BIRC6: variants seen among roughly 807,000 people sequenced by gnomAD.
BIRC6 encodes dual E2 ubiquitin-conjugating enzyme/E3 ubiquitin-protein ligase BIRC6.
BIRC6 carries 98 observed loss-of-function variants against 503.3 expected under a neutral mutation model. The observed-to-expected ratio is 0.19, with a 90% CI of 0.17 to 0.23. BIRC6 has a LOEUF of 0.23. Ranked by LOEUF, BIRC6 falls within the 10% of genes least tolerant of loss-of-function variation. BIRC6 has a pLI of 1.00. For synonymous variants in BIRC6, 2,240 were observed against 2,078.7 expected (o/e 1.08, Z -2.11); for missense variants, 5,360 against 5,806.0 (o/e 0.92, Z 2.50).
At chr2:32,452,760 A>G (rs1025442138) in intron 22 of BIRC6, among the ~76,000 whole-genome samples, 1 of 152,126 alleles carries the variant, frequency 6.6e-6, no homozygotes, top group Non-Finnish European at 1.5e-5. Flanking sequence ...CAGCTTAAAA[A>G]AAAGTTGCGT....
At chr2:32,567,391 A>G (rs1019808294) in intron 65 of BIRC6, among the ~76,000 whole-genome samples, 4 of 152,236 alleles carry the variant, frequency 2.6e-5, no homozygotes, top group Admixed American at 1.3e-4. Flanking sequence ...TGAAGATGCT[A>G]CTTTCCAAAA....
intron 8 of BIRC6, among the ~76,000 whole-genome samples, chr2:32,405,897 C>T (rs1308229407): frequency 1.3e-5 from 2 of 152,176 alleles, no homozygotes; most frequent in African/African-American, 4.8e-5. Context: ...TGTCCTTAGT[C>T]ACACAGTAGT....
At chr2:32,517,182 A>G (rs1042003533) in intron 55 of BIRC6, among the ~76,000 whole-genome samples, 1 of 152,018 alleles carries the variant, frequency 6.6e-6, no homozygotes, top group Admixed American at 6.6e-5. Flanking sequence ...AAAAGAAATC[A>G]TAACCAAAAT....
chr2:32,464,357 C>A (rs1455952598), intron 24 of BIRC6, among the ~76,000 whole-genome samples, 152 bp from the exon 25 acceptor site: 1 of 152,156 alleles, frequency 6.6e-6, no homozygotes, highest in Non-Finnish European at 1.5e-5. Flanking sequence ...AGCAATGATC[C>A]ATTTATATCG....
rs559286534 is a variant in BIRC6, at chr2:32,569,941, G to C, written c.13145-5215G>C. ...TTTTTTCCCTTGCCTGATTACTCTGGCAAGATGTCCAGTACGATGTTGAAT... is the reference window on the plus strand; with the variant it reads ...TTTTTTCCCTTGCCTGATTACTCTGCCAAGATGTCCAGTACGATGTTGAAT... On this transcript the variant is annotated intron_variant, in intron 65 of 73. Transcript: ENST00000421745. Among the ~76,000 whole-genome samples the C allele has an allele frequency of 1.8e-4, 27 of 151,940 alleles. 1 individual carries two copies. In the South Asian group the frequency reaches 5.6e-3, roughly 32 times the overall value.
At position 32,481,372 on chromosome 2, in the gene BIRC6, A is replaced by T. The variant is rs2050382136; in HGVS notation, c.7461A>T (p.Leu2487Phe). 1 of 1,611,412 alleles carries T rather than the reference A, an allele frequency of 6.2e-7. No individual in the cohort carries two copies. Among genetic ancestry groups the T allele is most frequent in the Non-Finnish European group, 8.5e-7 (1 of 1,178,396 alleles). The change falls in exon 38 of 74, where the codon TTA (leucine) becomes TTT (phenylalanine). Residue 2487 changes from leucine (L) to phenylalanine (F), a missense_variant. Physicochemically the swap from Leu to Phe is conservative, Grantham distance 22. This residue lies in a region of BIRC6 where 2,299 missense variants were observed against 2,267.2 expected (regional missense o/e 1.01). Transcript: ENST00000421745. ...LEKDKEIDLELLQDLMEVDID... is the reference protein window; with the variant it reads ...LEKDKEIDLEFLQDLMEVDID... ...AAGATAAAGAAATTGACCTTGAGTT[A>T]CTTCAGGATCTAATGGAAGTTGACA...
At chr2:32,418,531 T>C (rs573421835) in intron 10 of BIRC6, among the ~76,000 whole-genome samples, 7 of 152,382 alleles carry the variant, frequency 4.6e-5, no homozygotes, top group African/African-American at 1.7e-4. Flanking sequence ...CACTGAATTC[T>C]TTGCATTCTT....
chr2:32,434,700 A>T (rs1249199289), intron 13 of BIRC6, among the ~76,000 whole-genome samples: 1 of 152,054 alleles, frequency 6.6e-6, no homozygotes, highest in African/African-American at 2.4e-5. Flanking sequence ...TTTTAAAAAA[A>T]TTAGCTGGGT....
chr2:32,428,833 C>G (rs993095674), intron 10 of BIRC6, among the ~76,000 whole-genome samples: 2 of 152,112 alleles, frequency 1.3e-5, no homozygotes, highest in African/African-American at 2.4e-5. Flanking sequence ...AGTAATAGTT[C>G]TACCACAAGG....
chr2:32,432,901 G>A (rs1380915723), intron 12 of BIRC6, among the ~76,000 whole-genome samples: 2 of 152,016 alleles, frequency 1.3e-5, no homozygotes, highest in East Asian at 3.9e-4. Flanking sequence ...TGGTGGGGAG[G>A]GCAGTGATAG....
Position 32,540,762 on chromosome 2 carries a change from T to G in BIRC6, c.12292-2479T>G, listed in dbSNP as rs570073051. On this transcript the variant is annotated intron_variant, in intron 61 of 73. Coordinates refer to ENST00000421745, the MANE Select transcript of BIRC6 (RefSeq NM_016252.4). Reference sequence around the variant, plus strand: ...GATGCCTAAGCCTGTGGTGGTCTCATTTGTATAGCTCTAGCATACTTGCTG... The same window carrying G: ...GATGCCTAAGCCTGTGGTGGTCTCAGTTGTATAGCTCTAGCATACTTGCTG... Among the ~76,000 whole-genome samples the G allele has an allele frequency of 7.1e-4, 108 of 152,188 alleles. 3 individuals are homozygous for G. The highest frequency in any genetic ancestry group is 1.9e-4 in the Non-Finnish European group (13 of 67,900).
At chr2:32,421,096 C>G (rs1309853681) in intron 10 of BIRC6, among the ~76,000 whole-genome samples, 2 of 146,586 alleles carry the variant, frequency 1.4e-5, no homozygotes, top group Non-Finnish European at 1.5e-5. Flanking sequence ...TAGTTTCTTT[C>G]TTTCTTTCTT....
intron 49 of BIRC6, among the ~76,000 whole-genome samples, chr2:32,503,987 G>A (rs926965207): frequency 2.9e-5 from 4 of 136,136 alleles, no homozygotes; most frequent in Admixed American, 8.3e-5. Context: ...GAGTAGCTGG[G>A]ATTGCAGGCG....
rs185636825 is a variant in BIRC6 at position 32,561,057 on chromosome 2, G to T, written c.13144+11576G>T. On this transcript the variant is annotated intron_variant, in intron 65 of 73. Transcript: ENST00000421745. The stretch of plus-strand genomic sequence containing the variant: ...TACTAAAAATACAAAAATTAGCCGG[G>T]CGTGGTGGCACGTGCCTGTAGTCCC... Among the ~76,000 whole-genome samples the T allele has an allele frequency of 8.5e-3, 1,297 of 151,774 alleles. 9 individuals are homozygous for T. Among genetic ancestry groups the T allele is most frequent in the Middle Eastern group, 0.02 (6 of 294 alleles).
At chr2:32,371,467 T>C (rs866928446) in intron 1 of BIRC6, among the ~76,000 whole-genome samples, 1 of 151,378 alleles carries the variant, frequency 6.6e-6, no homozygotes, top group Non-Finnish European at 1.5e-5. Flanking sequence ...CTCTGCCTTC[T>C]GGGTTTAAGT....
chr2:32,404,601 A>T (rs1394412549), intron 8 of BIRC6, among the ~76,000 whole-genome samples: 1 of 152,174 alleles, frequency 6.6e-6, no homozygotes, highest in Non-Finnish European at 1.5e-5. Flanking sequence ...GGTGTGAGCC[A>T]CTGCATCTGG....
intron 4 of BIRC6, 44 bp downstream of exon 4, chr2:32,388,987 T>C (rs1329747646): frequency 8.2e-7 from 1 of 1,223,614 alleles, no homozygotes; most frequent in Non-Finnish European, 1.1e-6. Context: ...TAGAATTGAT[T>C]AGTTTTTGCA....
intron 1 of BIRC6, among the ~76,000 whole-genome samples, chr2:32,363,948 A>G (rs1349131925): frequency 6.6e-6 from 1 of 152,264 alleles, no homozygotes; most frequent in African/African-American, 2.4e-5. Context: ...AGGCAGATGT[A>G]GATGGAAATA....
intron 40 of BIRC6, among the ~76,000 whole-genome samples, chr2:32,487,178 A>G (rs959711978): frequency 2.6e-5 from 4 of 152,180 alleles, no homozygotes; most frequent in African/African-American, 9.6e-5. Flanking sequence ...TCCCATGAAT[A>G]TATTCTCATT....
Sources: allele counts gnomAD v4.1 joint callset (sites outside exome capture counted in the v4.1 genomes callset), GRCh38; gene constraint gnomAD v4.1.1; regional missense constraint gnomAD v4.1.1; transcripts MANE v1.5; gene names NCBI Gene and HGNC (gene_info 2026-07-23, HGNC 2026-07-21).